The following GALNTL6 variants were observed in gnomAD, a reference collection of about 807,000 sequenced individuals.
The protein encoded by GALNTL6 is polypeptide N-acetylgalactosaminyltransferase-like 6.
Under a neutral mutation model 73.7 loss-of-function variants are expected in GALNTL6, and 46 were observed. The observed-to-expected ratio is 0.62, with a 90% CI of 0.49 to 0.80. The LOEUF is 0.80. GALNTL6 is among the 30% of genes least tolerant of loss of function. The probability of loss-of-function intolerance (pLI) is 0.00; values close to 1 mark genes in which losing one functional copy is unlikely to be tolerated. For missense variants in GALNTL6, 604 were observed against 755.0 expected (o/e 0.80, Z 2.34); for synonymous variants, 259 against 263.7 (o/e 0.98, Z 0.17).
At chr4:172,991,609 T>C (rs1751550472) in intron 10 of GALNTL6, among the ~76,000 whole-genome samples, 1 of 152,042 alleles carries the variant, frequency 6.6e-6, no homozygotes, top group Non-Finnish European at 1.5e-5. Context: ...GATTTTGCCA[T>C]GTTGGCCAGG....
rs188443456 is a variant in GALNTL6, at chr4:172,620,264, A to G, written c.554-189097A>G. Among the ~76,000 whole-genome samples the G allele has an allele frequency of 2.0e-5, 3 of 151,774 alleles. No individual in the cohort carries two copies. In the East Asian group the frequency reaches 5.8e-4, roughly 29 times the overall value. ...TCTGGTTTGTTATTTTTTACCGTGC[A>G]GAATTATTCATGAACGTGAATTGTG... On this transcript the variant is annotated intron_variant, in intron 5 of 12. Coordinates refer to ENST00000506823, the MANE Select transcript of GALNTL6 (RefSeq NM_001034845.3).
At chr4:172,844,770 T>C (rs1022059279) in intron 7 of GALNTL6, among the ~76,000 whole-genome samples, 31 of 152,192 alleles carry the variant, frequency 2.0e-4, no homozygotes, top group Admixed American at 2.0e-3. Flanking sequence ...ATGCAAGCAT[T>C]GCATAAGCAG....
intron 3 of GALNTL6, among the ~76,000 whole-genome samples, chr4:172,245,987 T>C (rs1225944243): frequency 6.6e-6 from 1 of 152,162 alleles, no homozygotes; most frequent in Non-Finnish European, 1.5e-5. Context: ...TAGAGCATCC[T>C]CTGGAAAGCT....
chr4:172,082,778 C>T (rs1349001929), intron 2 of GALNTL6, among the ~76,000 whole-genome samples: 1 of 152,020 alleles, frequency 6.6e-6, no homozygotes, highest in Non-Finnish European at 1.5e-5. Context: ...GCTCAATGAA[C>T]CTGGACTAGG....
Position 172,617,135 on chromosome 4 carries a change from G to GTGTT in GALNTL6, c.554-192218_554-192215dup, listed in dbSNP as rs530959523. Among the ~76,000 whole-genome samples the GTGTT allele has an allele frequency of 1.6e-3, 246 of 152,054 alleles. 1 individual carries two copies. Among genetic ancestry groups the GTGTT allele is most frequent in the African/African-American group, 5.1e-3 (213 of 41,474 alleles). On this transcript the variant is annotated intron_variant, in intron 5 of 12. Transcript: ENST00000506823. ...ATAAGTAGGTAGAAAGATAAGTAGT[G>GTGTT]TGTTTGTTTGTGTGTGTGCGTAATT...
chr4:172,069,850 A>C (rs1731500420), intron 2 of GALNTL6, among the ~76,000 whole-genome samples: 1 of 106,370 alleles, frequency 9.4e-6, no homozygotes, highest in Non-Finnish European at 2.1e-5. Context: ...AAGAAAACAC[A>C]CCTGCTTTCC....
intron 3 of GALNTL6, among the ~76,000 whole-genome samples, chr4:172,291,815 A>T (rs1013241151): frequency 2.6e-5 from 4 of 152,042 alleles, no homozygotes; most frequent in Non-Finnish European, 5.9e-5. Flanking sequence ...GGCTAAAAAA[A>T]ATTCTGCCAA....
At chr4:171,882,909 T>G (rs2110914196) in intron 2 of GALNTL6, among the ~76,000 whole-genome samples, 1 of 152,356 alleles carries the variant, frequency 6.6e-6, no homozygotes, top group Admixed American at 6.5e-5. Flanking sequence ...TATGTGACAT[T>G]TATCTTAACA....
At chr4:172,052,041 A>C (rs373540135) in intron 2 of GALNTL6, among the ~76,000 whole-genome samples, 2 of 152,070 alleles carry the variant, frequency 1.3e-5, no homozygotes, top group Admixed American at 6.6e-5. Context: ...CTTCTAGGAG[A>C]TGAAATATTG....
At chr4:172,910,561 G>C (rs959661550) in intron 8 of GALNTL6, among the ~76,000 whole-genome samples, 2 of 152,180 alleles carry the variant, frequency 1.3e-5, no homozygotes, top group African/African-American at 4.8e-5. Flanking sequence ...AAGGAATTTA[G>C]TTTGGATGGT....
chr4:172,339,533 G>A (rs1176977966), intron 4 of GALNTL6, among the ~76,000 whole-genome samples: 1 of 152,126 alleles, frequency 6.6e-6, no homozygotes, highest in Non-Finnish European at 1.5e-5. Flanking sequence ...AAATACCTGT[G>A]TAGTCACACT....
Position 172,672,255 on chromosome 4 carries a change from C to T in GALNTL6, c.554-137106C>T, listed in dbSNP as rs553293813. On this transcript the variant is annotated intron_variant, in intron 5 of 12. Coordinates refer to ENST00000506823, the MANE Select transcript of GALNTL6 (RefSeq NM_001034845.3). ...AATTTTATCAAAAGAATTTCTCCTTCGATTGAGATAATCATGTGGTTTTTG... is the reference window on the plus strand; with the variant it reads ...AATTTTATCAAAAGAATTTCTCCTTTGATTGAGATAATCATGTGGTTTTTG... Among the ~76,000 whole-genome samples, 108 of 152,304 alleles carry T rather than the reference C, an allele frequency of 7.1e-4. 1 individual carries two copies. The highest frequency in any genetic ancestry group is 2.5e-3 in the African/African-American group (102 of 41,566).
chr4:172,767,917 G>T (rs1738537630), intron 5 of GALNTL6, among the ~76,000 whole-genome samples: 1 of 151,960 alleles, frequency 6.6e-6, no homozygotes, highest in African/African-American at 2.4e-5. Flanking sequence ...ATCCGCCGGT[G>T]TCAGCCTCCC....
rs184782588 is a variant in GALNTL6 at position 171,877,532 on chromosome 4, C to T, written c.138+62814C>T. 2.1e-3 allele frequency among the ~76,000 whole-genome samples: 316 copies of T among 152,226 alleles called. 2 individuals carry two copies. Among genetic ancestry groups the T allele is most frequent in the African/African-American group, 7.3e-3 (303 of 41,558 alleles). The stretch of plus-strand genomic sequence containing the variant: ...CCTTCATTATACCTGTCCCCAGCCT[C>T]AGCATTGTGGTACAGTTAAAAAGTG... On this transcript the variant is annotated intron_variant, in intron 2 of 12. Coordinates refer to ENST00000506823, the MANE Select transcript of GALNTL6 (RefSeq NM_001034845.3).
At chr4:172,481,295 T>TGG (rs1371934222) in intron 5 of GALNTL6, among the ~76,000 whole-genome samples, 1 of 150,248 alleles carries the variant, frequency 6.7e-6, no homozygotes. Context: ...GCCTCAGGAG[T>TGG]GAAGCTGCAG....
intron 10 of GALNTL6, among the ~76,000 whole-genome samples, chr4:172,973,343 A>G (rs911910792): frequency 2.6e-5 from 4 of 152,218 alleles, no homozygotes; most frequent in Non-Finnish European, 1.5e-5. Flanking sequence ...TATTCTTTTT[A>G]TAAAACCAAA....
chr4:172,433,683 CTGCCCCT>C (rs1198853081), intron 5 of GALNTL6, among the ~76,000 whole-genome samples: 3 of 150,960 alleles, frequency 2.0e-5, no homozygotes, highest in Admixed American at 6.6e-5. Context: ...AGGCTCCCAT[CTGCCCCT>C]TGCCCAGTGA....
chr4:172,977,019 CTTTA>C (rs770408041), intron 10 of GALNTL6, among the ~76,000 whole-genome samples: 2 of 152,196 alleles, frequency 1.3e-5, no homozygotes, highest in Non-Finnish European at 2.9e-5. Context: ...TTGGAAACCT[CTTTA>C]TTGATTTTGC....
intron 9 of GALNTL6, among the ~76,000 whole-genome samples, chr4:172,951,810 T>C (rs1322956040): frequency 6.6e-6 from 1 of 152,234 alleles, no homozygotes; most frequent in Admixed American, 6.5e-5. Flanking sequence ...AACTACCAAA[T>C]TGGCAATTGA....
Sources: allele counts gnomAD v4.1 joint callset (sites outside exome capture counted in the v4.1 genomes callset), GRCh38; gene constraint gnomAD v4.1.1; transcripts MANE v1.5; gene names NCBI Gene and HGNC (gene_info 2026-07-23, HGNC 2026-07-21).